The following PIK3C3 variants were observed in gnomAD, a reference collection of about 807,000 sequenced individuals.
PIK3C3 encodes the protein PI3-kinase type 3.
Under a neutral mutation model 126.1 loss-of-function variants are expected in PIK3C3, and 95 were observed. The ratio of observed to expected loss-of-function variants is 0.75; its 90% confidence interval spans 0.64 to 0.89. PIK3C3 has a LOEUF of 0.89. PIK3C3 is among the 40% of genes least tolerant of loss of function. The pLI, the probability that PIK3C3 is intolerant of heterozygous loss-of-function variation, is 0.00. For missense variants in PIK3C3, 829 were observed against 1,063.2 expected, an observed-to-expected ratio of 0.78 and a Z score of 3.06; for synonymous variants, 374 against 360.0, an observed-to-expected ratio of 1.04 and a Z score of -0.44.
intron 21 of PIK3C3, among the ~76,000 whole-genome samples, chr18:42,053,663 G>A (rs368996387): frequency 6.6e-6 from 1 of 152,070 alleles, no homozygotes; most frequent in Non-Finnish European, 1.5e-5. Context: ...GCGATCAGTT[G>A]TGACAGGATT....
chr18:41,987,046 T>C (rs1176260456), intron 4 of PIK3C3, among the ~76,000 whole-genome samples: 3 of 152,016 alleles, frequency 2.0e-5, no homozygotes, highest in Admixed American at 6.6e-5. Flanking sequence ...GAAACTGATA[T>C]AGATAAGCTA....
At chr18:41,981,988 AAAAAAAGGT>A in intron 4 of PIK3C3, among the ~76,000 whole-genome samples, 1 of 152,094 alleles carries the variant, frequency 6.6e-6, no homozygotes, top group East Asian at 1.9e-4. Context: ...TGTCTCAAAA[AAAAAAAGGT>A]ACTGCATAGT....
At chr18:41,997,574 A>G (rs1982087630) in intron 9 of PIK3C3, among the ~76,000 whole-genome samples, 1 of 152,168 alleles carries the variant, frequency 6.6e-6, no homozygotes, top group African/African-American at 2.4e-5. Context: ...TTTTTAAAAT[A>G]GTCTGTAAAA....
Position 42,004,536 on chromosome 18 carries a change from G to C in PIK3C3, c.1165G>C (p.Asp389His), listed in dbSNP as rs778285998. ...YAVARLRQAD[D>H]EDLLMYLLQL... Reference sequence around the variant, plus strand: ...TGTTGCCCGGTTGCGACAGGCCGATGATGAGGTGCATTATTATTTATTATT... The same window carrying C: ...TGTTGCCCGGTTGCGACAGGCCGATCATGAGGTGCATTATTATTTATTATT... The change falls in exon 10 of 25, where the codon GAT (aspartate) becomes CAT (histidine). Residue 389 changes from aspartate (D) to histidine (H), a missense_variant. Coordinates refer to ENST00000262039, the MANE Select transcript of PIK3C3 (RefSeq NM_002647.4). The C allele has an allele frequency of 1.9e-6, 3 of 1,586,962 alleles. No individual in the cohort carries two copies. Among genetic ancestry groups the C allele is most frequent in the Non-Finnish European group, 8.5e-7 (1 of 1,172,480 alleles).
At chr18:42,045,920 G>A (rs539610402) in intron 20 of PIK3C3, among the ~76,000 whole-genome samples, 1 of 151,918 alleles carries the variant, frequency 6.6e-6, no homozygotes, top group Non-Finnish European at 1.5e-5. Flanking sequence ...ATACACACAC[G>A]CTTGCCCTGT....
chr18:42,076,197 C>CGCAT (rs1986022990), intron 24 of PIK3C3, among the ~76,000 whole-genome samples: 2 of 119,322 alleles, frequency 1.7e-5, no homozygotes, highest in South Asian at 5.2e-4. Flanking sequence ...TATATGCACA[C>CGCAT]ATATATATAT....
rs780407788 is a variant in PIK3C3, at chr18:42,081,172, T to G, written c.*35T>G. The stretch of plus-strand genomic sequence containing the variant: ...TGACCCATCAAGATGCTTGGCTCAA[T>G]AAGAAAACCACGTTAGGAGCAACCT... On this transcript the variant is annotated 3_prime_UTR_variant, in exon 25 of 25. Coordinates refer to ENST00000262039, the MANE Select transcript of PIK3C3 (RefSeq NM_002647.4). 7.8e-6 allele frequency: 12 copies of G among 1,530,382 alleles called. No individual in the cohort carries two copies. The highest frequency in any genetic ancestry group is 1.1e-5 in the Non-Finnish European group (12 of 1,112,572). 94.8% of individuals were successfully genotyped at this position (1,530,382 alleles called of 1,614,324 possible).
At position 41,955,252 on chromosome 18, in the gene PIK3C3, C is replaced by G. The variant is rs569878182; in HGVS notation, c.-40C>G. On this transcript the variant is annotated 5_prime_UTR_variant, in exon 1 of 25. Coordinates refer to ENST00000262039, the MANE Select transcript of PIK3C3 (RefSeq NM_002647.4). ...TTCATTTATGTTGTTTTTCCTGTAC[C>G]TAAGTTCCCGCTGTAGGTGGTACCT... is the stretch of plus-strand genomic sequence containing the variant. 1 of 1,568,454 alleles carries G rather than the reference C, an allele frequency of 6.4e-7. No individual in the cohort carries two copies. The highest frequency in any genetic ancestry group is 1.4e-5 in the African/African-American group (1 of 73,616).
intron 9 of PIK3C3, among the ~76,000 whole-genome samples, chr18:41,997,790 GC>G (rs1007018277): frequency 1.3e-5 from 2 of 152,118 alleles, no homozygotes; most frequent in African/African-American, 4.8e-5. Context: ...TATACATGCT[GC>G]CTCTTGATAT....
intron 2 of PIK3C3, among the ~76,000 whole-genome samples, chr18:41,960,736 A>T (rs754811050): frequency 2.0e-5 from 3 of 150,218 alleles, no homozygotes; most frequent in Non-Finnish European, 4.4e-5. Context: ...CTGAAGGATC[A>T]TTTTTTCTTT....
chr18:42,015,233 C>T (rs186094780), intron 11 of PIK3C3, among the ~76,000 whole-genome samples: 22 of 152,150 alleles, frequency 1.4e-4, no homozygotes, highest in African/African-American at 5.1e-4. Context: ...AACAAACAAA[C>T]AGCACTTACC....
rs57601171 is a variant in PIK3C3 at position 41,956,548 on chromosome 18, C to CTTTTTTTT, written c.69-1007_69-1000dup. On this transcript the variant is annotated intron_variant, in intron 1 of 24. Transcript: ENST00000262039. Reference sequence around the variant, plus strand: ...AAGAAAAAGCCAAAAAAACCGGTCCCTTTTTTTTTTTTTTTTTTTTTTGGA... The same window carrying CTTTTTTTT: ...AAGAAAAAGCCAAAAAAACCGGTCCCTTTTTTTTTTTTTTTTTTTTTTTTTTTTTTGGA... Among the ~76,000 whole-genome samples, 326 of 100,238 alleles carry CTTTTTTTT rather than the reference C, an allele frequency of 3.3e-3. 11 individuals are homozygous for CTTTTTTTT. The highest frequency in any genetic ancestry group is 0.013 in the African/African-American group (310 of 23,956). The allele number at this position is 100,238 out of a possible 152,430, so 65.8% of individuals were successfully genotyped here.
chr18:41,985,477 A>ATCGG lies in PIK3C3; in HGVS notation c.532-2334_532-2333insCGGT, dbSNP rs1280574371. Reference sequence around the variant, plus strand: ...TTCCATAGCATAAATGGTACCTTTAATTTTGCAATCGGTTTTGCACTCAAC... The same window carrying ATCGG: ...TTCCATAGCATAAATGGTACCTTTAATCGGTTTTGCAATCGGTTTTGCACTCAAC... On this transcript the variant is annotated intron_variant, in intron 4 of 24. Coordinates refer to ENST00000262039, the MANE Select transcript of PIK3C3 (RefSeq NM_002647.4). Among the ~76,000 whole-genome samples the ATCGG allele has an allele frequency of 2.6e-5, 4 of 152,202 alleles. No individual in the cohort carries two copies. The East Asian group carries it at 7.7e-4, about 29-fold the overall frequency.
At position 42,081,543 on chromosome 18, in the gene PIK3C3, TCA is replaced by T. The variant is rs1315025131; in HGVS notation, c.*409_*410del. On this transcript the variant is annotated 3_prime_UTR_variant, in exon 25 of 25. Coordinates refer to ENST00000262039, the MANE Select transcript of PIK3C3 (RefSeq NM_002647.4). ...ACAGCAGTAACCTGAATTTAGATTG[TCA>T]CAGTTTACAAGTTTTTGTTTGTTCC... 3 of 172,472 alleles carry T rather than the reference TCA, an allele frequency of 1.7e-5. No individual in the cohort carries two copies. Among genetic ancestry groups the T allele is most frequent in the African/African-American group, 4.7e-5 (2 of 42,350 alleles). 10.7% of individuals were successfully genotyped at this position (172,472 alleles called of 1,614,324 possible). A position where few individuals can be genotyped will look rare whatever the true frequency, so the allele number is the denominator to read the frequency against.
chr18:41,962,065 T>C (rs1329609073), intron 2 of PIK3C3, among the ~76,000 whole-genome samples: 1 of 152,204 alleles, frequency 6.6e-6, no homozygotes, highest in South Asian at 2.1e-4. Context: ...TTGTTTTTTT[T>C]CCTGATTTAT....
intron 9 of PIK3C3, among the ~76,000 whole-genome samples, chr18:42,003,451 T>A: frequency 6.6e-6 from 1 of 152,294 alleles, no homozygotes; most frequent in East Asian, 1.9e-4. Context: ...TATTTTCATT[T>A]GTTTTTGTAG....
chr18:42,080,488 G>C (rs1892392483), intron 24 of PIK3C3, among the ~76,000 whole-genome samples: 1 of 152,150 alleles, frequency 6.6e-6, no homozygotes, highest in South Asian at 2.1e-4. Context: ...ATTCCTCCAA[G>C]AGAATGCCAG....
chr18:42,059,987 C>G (rs1354336741), intron 22 of PIK3C3: 1 of 152,206 alleles, frequency 6.6e-6, no homozygotes, highest in Non-Finnish European at 1.5e-5. Context: ...GTTGCCCAGG[C>G]TGGTCTTGAA....
Position 41,955,255 on chromosome 18 carries a change from A to G in PIK3C3, c.-37A>G, listed in dbSNP as rs748413064. 1.9e-6 allele frequency: 3 copies of G among 1,578,118 alleles called. No individual in the cohort carries two copies. The highest frequency in any genetic ancestry group is 2.2e-5 in the South Asian group (2 of 89,842). ...ATTTATGTTGTTTTTCCTGTACCTA[A>G]GTTCCCGCTGTAGGTGGTACCTTTG... On this transcript the variant is annotated 5_prime_UTR_variant, in exon 1 of 25. Transcript: ENST00000262039.
Sources: gnomAD v4.1 joint callset for allele counts (sites outside exome capture counted in the v4.1 genomes callset) on GRCh38, gnomAD v4.1.1 for gene constraint, MANE v1.5 for transcripts, NCBI Gene and HGNC (gene_info 2026-07-23, HGNC 2026-07-21) for gene names.